Variants in SMAD3 observed in about 807,000 individuals in gnomAD.
SMAD3 encodes the protein MAD homolog 3.
SMAD3 carries 12 observed loss-of-function variants against 51.8 expected under a neutral mutation model. That is an observed-to-expected ratio of 0.23 (90% confidence interval 0.15 to 0.38). SMAD3 has a LOEUF of 0.38. Among genes scored for constraint, SMAD3 ranks in the 10% least tolerant of loss-of-function variants. SMAD3 has a pLI of 1.00. For synonymous variants in SMAD3, 238 were observed against 227.7 expected (o/e 1.05, Z -0.41); for missense variants, 294 against 565.6 (o/e 0.52, Z 4.87).
chr15:67,187,051 T>G, intron 7 of SMAD3: 1 of 528,364 alleles, frequency 1.9e-6, no homozygotes. Flanking sequence ...CATCTCCCTA[T>G]TTTTGGAAGC....
chr15:67,105,062 C>T (rs891060644), intron 1 of SMAD3, among the ~76,000 whole-genome samples: 4 of 152,360 alleles, frequency 2.6e-5, no homozygotes, highest in Admixed American at 2.0e-4. Context: ...CCTCCCTGAA[C>T]AGGAGGCACT....
At chr15:67,187,200 A>C in intron 7 of SMAD3, 165 bp from the exon 8 acceptor site, 2 of 831,128 alleles carry the variant, frequency 2.4e-6, no homozygotes, top group South Asian at 2.8e-5. Flanking sequence ...TTCCCTTTGC[A>C]TGGTACTGAG....
intron 5 of SMAD3, among the ~76,000 whole-genome samples, chr15:67,177,108 G>T (rs1217528090): frequency 3.3e-5 from 5 of 152,142 alleles, no homozygotes; most frequent in Non-Finnish European, 2.9e-5. Flanking sequence ...TGATTGATTG[G>T]TCAGGGGAGG....
intron 1 of SMAD3, among the ~76,000 whole-genome samples, chr15:67,085,870 A>G (rs2118615): frequency 0.56 from 82,566 of 148,490 alleles, 22,837 homozygotes; most frequent in South Asian, 0.73. Flanking sequence ...AAAAGCGTGC[A>G]CACACACACA....
At position 67,193,192 on chromosome 15, in the gene SMAD3, T is replaced by C. The variant is rs1963409197; in HGVS notation, c.*2656T>C. 1 of 233,396 alleles carries C rather than the reference T, an allele frequency of 4.3e-6. No homozygotes were observed. The highest frequency in any genetic ancestry group is 8.5e-6 in the Non-Finnish European group (1 of 118,050). The allele number at this position is 233,396 out of a possible 1,614,324, so 14.5% of individuals were successfully genotyped here. ...ATTAAAACACTTTTTTAAAGGACAG[T>C]TGAAAAGGGCAAGAGGAAACCAGGG... On this transcript the variant is annotated 3_prime_UTR_variant, in exon 9 of 9. Transcript: ENST00000327367.
At chr15:67,155,579 C>T (rs1962261068) in intron 1 of SMAD3, among the ~76,000 whole-genome samples, 1 of 152,162 alleles carries the variant, frequency 6.6e-6, no homozygotes, top group Admixed American at 6.5e-5. Context: ...TTTCTGCCTT[C>T]CCAGAAGGTC....
chr15:67,159,118 T>A (rs1217177262), intron 1 of SMAD3, among the ~76,000 whole-genome samples: 1 of 152,126 alleles, frequency 6.6e-6, no homozygotes, highest in African/African-American at 2.4e-5. Context: ...TCACCCAGGC[T>A]GGAGTGCTCT....
At position 67,183,000 on chromosome 15, in the gene SMAD3, AATAT is replaced by A. The variant is rs1555413788; in HGVS notation, c.871+1576_871+1579del. ...CTATATTTTATTAAAAAAAAAAAAA[AATAT>A]ATATATATATATATATATATATATA... On this transcript the variant is annotated intron_variant, in intron 6 of 8. Transcript: ENST00000327367. Among the ~76,000 whole-genome samples, 55 of 43,646 alleles carry A rather than the reference AATAT, an allele frequency of 1.3e-3. 1 individual carries two copies. Among genetic ancestry groups the A allele is most frequent in the Middle Eastern group, 0.016 (1 of 64 alleles). 28.6% of individuals were successfully genotyped at this position (43,646 alleles called of 152,430 possible). A position where few individuals can be genotyped will look rare whatever the true frequency, so the allele number is the denominator to read the frequency against.
chr15:67,181,503 A>G (rs1370039191), intron 6 of SMAD3, 50 bp downstream of exon 6: 24 of 1,243,870 alleles, frequency 1.9e-5, no homozygotes, highest in African/African-American at 2.8e-5. Context: ...CTGCCACTCT[A>G]TCCCACCCCC....
chr15:67,136,351 G>A lies in SMAD3; in HGVS notation c.207-28544G>A, dbSNP rs547559948. ...TTCTTTTTTTTTTTTTTTTCTTTTC[G>A]AGTTGGAGTCTTGCTCTGTCACCCA... is the stretch of plus-strand genomic sequence containing the variant. On this transcript the variant is annotated intron_variant, in intron 1 of 8. Coordinates refer to ENST00000327367, the MANE Select transcript of SMAD3 (RefSeq NM_005902.4). Among the ~76,000 whole-genome samples, 33 of 141,934 alleles carry A rather than the reference G, an allele frequency of 2.3e-4. 2 individuals carry two copies. The South Asian group carries it at 6.2e-3, about 27-fold the overall frequency. The allele number at this position is 141,934 out of a possible 152,430, so 93.1% of individuals were successfully genotyped here. A position where few individuals can be genotyped will look rare whatever the true frequency, so the allele number is the denominator to read the frequency against.
At chr15:67,126,291 C>T (rs1481428831) in intron 1 of SMAD3, among the ~76,000 whole-genome samples, 1 of 151,976 alleles carries the variant, frequency 6.6e-6, no homozygotes, top group South Asian at 2.1e-4. Context: ...TGTGATTGCT[C>T]ACAATTGCCT....
chr15:67,130,249 G>A (rs781620907), intron 1 of SMAD3, among the ~76,000 whole-genome samples: 32 of 152,194 alleles, frequency 2.1e-4, no homozygotes, highest in Non-Finnish European at 4.1e-4. Flanking sequence ...GTAGTCCCAG[G>A]TAGAGTTAGA....
intron 6 of SMAD3, among the ~76,000 whole-genome samples, chr15:67,183,002 TA>T (rs1938676593): frequency 1.9e-5 from 1 of 52,790 alleles, no homozygotes; most frequent in Non-Finnish European, 3.1e-5. Context: ...AAAAAAAAAA[TA>T]TATATATATA....
intron 1 of SMAD3, among the ~76,000 whole-genome samples, chr15:67,132,004 T>C (rs1231268234): frequency 1.3e-5 from 2 of 152,212 alleles, no homozygotes; most frequent in Non-Finnish European, 2.9e-5. Flanking sequence ...GCTCAGGTTG[T>C]TGTCCTGTCT....
chr15:67,116,769 G>A (rs1327226493), intron 1 of SMAD3, among the ~76,000 whole-genome samples: 1 of 152,160 alleles, frequency 6.6e-6, no homozygotes, highest in Non-Finnish European at 1.5e-5. Flanking sequence ...TTGGTGATGG[G>A]GGTATCTGTT....
At position 67,194,209 on chromosome 15, in the gene SMAD3, T is replaced by C. The variant is rs984618642; in HGVS notation, c.*3673T>C. 4.3e-6 allele frequency: 1 copy of C among 233,352 alleles called. No homozygotes were observed. Among genetic ancestry groups the C allele is most frequent in the Non-Finnish European group, 8.5e-6 (1 of 118,062 alleles). 14.5% of individuals were successfully genotyped at this position (233,352 alleles called of 1,614,324 possible). On this transcript the variant is annotated 3_prime_UTR_variant, in exon 9 of 9. Transcript: ENST00000327367. Reference sequence around the variant, plus strand: ...TCAACACAGCGAAGCTGTACTGTCTTTGTGTGGCAAAGATGTTCCCTTGTA... The same window carrying C: ...TCAACACAGCGAAGCTGTACTGTCTCTGTGTGGCAAAGATGTTCCCTTGTA...
intron 4 of SMAD3, among the ~76,000 whole-genome samples, chr15:67,168,973 T>C (rs7183244): frequency 0.7 from 105,954 of 151,998 alleles, 37,737 homozygotes; most frequent in African/African-American, 0.83. Flanking sequence ...TTTAGACTTG[T>C]GAGAAGGCCC....
At chr15:67,172,989 TG>T (rs1490547288) in intron 5 of SMAD3, among the ~76,000 whole-genome samples, 2 of 151,886 alleles carry the variant, frequency 1.3e-5, no homozygotes, top group African/African-American at 4.8e-5. Flanking sequence ...GCCGTTCAGG[TG>T]GGGGATTGGA....
At chr15:67,080,457 C>T (rs979051986) in intron 1 of SMAD3, among the ~76,000 whole-genome samples, 1 of 152,108 alleles carries the variant, frequency 6.6e-6, no homozygotes, top group Admixed American at 6.5e-5. Context: ...CGTGGCTCTA[C>T]TATGTCGGCA....
Sources: allele counts gnomAD v4.1 joint callset (sites outside exome capture counted in the v4.1 genomes callset), GRCh38; gene constraint gnomAD v4.1.1; transcripts MANE v1.5; gene names NCBI Gene and HGNC (gene_info 2026-07-23, HGNC 2026-07-21).